The following CHEK1 variants were observed in gnomAD, a reference collection of about 807,000 sequenced individuals.
CHEK1 encodes checkpoint kinase 1.
CHEK1 carries 32 observed loss-of-function variants against 60.2 expected under a neutral mutation model. The observed-to-expected ratio is 0.53, with a 90% CI of 0.40 to 0.71. The LOEUF is 0.71. CHEK1 is among the 30% of genes least tolerant of loss of function. The pLI, the probability that CHEK1 is intolerant of heterozygous loss-of-function variation, is 0.00. For synonymous variants in CHEK1, 179 were observed against 187.2 expected, an observed-to-expected ratio of 0.96 and a Z score of 0.36; for missense variants, 399 against 564.6, an observed-to-expected ratio of 0.71 and a Z score of 2.97.
rs1247522282 is a variant in CHEK1, at chr11:125,653,928, G to C, written c.1335+81G>C. The C allele has an allele frequency of 1.3e-6, 1 of 748,274 alleles. No homozygotes were observed. Among genetic ancestry groups the C allele is most frequent in the East Asian group, 2.9e-5 (1 of 34,026 alleles). The allele number at this position is 748,274 out of a possible 1,614,324, so 46.4% of individuals were successfully genotyped here. ...TTAATGGCATTATGTTTGTATATAT[G>C]TGGCATTTGTAAATAGGTTACTTGC... On this transcript the variant is annotated intron_variant, in intron 12 of 12. Transcript: ENST00000438015. The surrounding 1 kb of genome is among the most constrained non-coding windows in gnomAD (Gnocchi z 4.3).
downstream of CHEK1, chr11:125,657,187 T>TTTTGTGTGTG (rs140073080): frequency 7.2e-4 from 106 of 147,216 alleles, 1 homozygote; most frequent in Middle Eastern, 3.2e-3. Flanking sequence ...CAACCTATGC[T>TTTTGTGTGTG]TGTGTGTGTG....
At chr11:125,631,587 TG>T (rs1940859847) in intron 5 of CHEK1, among the ~76,000 whole-genome samples, 1 of 151,700 alleles carries the variant, frequency 6.6e-6, no homozygotes, top group African/African-American at 2.4e-5. Flanking sequence ...GATAATCAAC[TG>T]GGTGCAGTAG....
Position 125,639,200 on chromosome 11 carries a change from G to A in CHEK1, c.814+1656G>A, listed in dbSNP as rs573475418. Among the ~76,000 whole-genome samples the A allele has an allele frequency of 7.9e-5, 12 of 151,776 alleles. No individual in the cohort carries two copies. In the South Asian group the frequency reaches 8.3e-4, roughly 11 times the overall value. On this transcript the variant is annotated intron_variant, in intron 8 of 12. Coordinates refer to ENST00000438015, the MANE Select transcript of CHEK1 (RefSeq NM_001114122.3). ...TGGGTTTAATCTAGTAGTTTTCTACGTACTGCACACTTGTACCTGCACAAC... is the reference window on the plus strand; with the variant it reads ...TGGGTTTAATCTAGTAGTTTTCTACATACTGCACACTTGTACCTGCACAAC...
downstream of CHEK1, among the ~76,000 whole-genome samples, chr11:125,677,589 T>C (rs541394901): frequency 6.6e-6 from 1 of 152,306 alleles, no homozygotes; most frequent in South Asian, 2.1e-4. Context: ...ATTTTTCTTA[T>C]AGAGGGCCCT....
At chr11:125,680,101 A>G (rs1942726649), downstream of CHEK1, among the ~76,000 whole-genome samples, 1 of 152,238 alleles carries the variant, frequency 6.6e-6, no homozygotes, top group Non-Finnish European at 1.5e-5. Context: ...TAACAAAGCA[A>G]AAAGCAAAAC....
downstream of CHEK1, chr11:125,678,024 G>A: frequency 6.2e-7 from 1 of 1,614,152 alleles, no homozygotes; most frequent in Non-Finnish European, 8.5e-7. Flanking sequence ...CTCACCTACA[G>A]TATGCTCACC....
intron 8 of CHEK1, among the ~76,000 whole-genome samples, chr11:125,642,156 C>T (rs1941334401): frequency 6.6e-6 from 1 of 152,186 alleles, no homozygotes; most frequent in Admixed American, 6.5e-5. Flanking sequence ...TATTCTCTTA[C>T]TTTCTTTGGA....
chr11:125,678,591 ACC>A (rs757925273), downstream of CHEK1, among the ~76,000 whole-genome samples: 4 of 152,016 alleles, frequency 2.6e-5, no homozygotes, highest in Non-Finnish European at 4.4e-5. Flanking sequence ...TGTACAAAAA[ACC>A]CCTGAAGGAA....
chr11:125,676,613 TG>T, downstream of CHEK1: 1 of 1,134,852 alleles, frequency 8.8e-7, no homozygotes, highest in Non-Finnish European at 1.3e-6. Context: ...TTTGGGGATC[TG>T]GGCCCTGTGT....
At chr11:125,645,114 G>A (rs1265966812) in intron 11 of CHEK1, among the ~76,000 whole-genome samples, 1 of 151,794 alleles carries the variant, frequency 6.6e-6, no homozygotes. Flanking sequence ...TTTTTATTTT[G>A]TTTTATTTTT....
downstream of CHEK1, chr11:125,678,263 GGAGCCA>G: frequency 6.2e-7 from 1 of 1,614,124 alleles, no homozygotes; most frequent in Non-Finnish European, 8.5e-7. Context: ...GATGATCTAT[GGAGCCA>G]GAAAGCTCAT....
chr11:125,679,661 TATTTA>T (rs1942706783), downstream of CHEK1, among the ~76,000 whole-genome samples: 1 of 152,224 alleles, frequency 6.6e-6, no homozygotes, highest in African/African-American at 2.4e-5. Context: ...ACAACCAAGT[TATTTA>T]ATTCTAGCCA....
chr11:125,650,903 C>T (rs1051885103), intron 11 of CHEK1, among the ~76,000 whole-genome samples: 1 of 152,224 alleles, frequency 6.6e-6, no homozygotes, highest in East Asian at 1.9e-4. Context: ...TTGGGGCACA[C>T]CTGCAATACT....
chr11:125,643,653 G>C, intron 8 of CHEK1, 139 bp from the exon 9 acceptor site: 1 of 620,628 alleles, frequency 1.6e-6, no homozygotes, highest in East Asian at 2.8e-5. Flanking sequence ...GGAAGACTTT[G>C]TTTTATATCT....
At chr11:125,677,852 A>C (rs1256508959), downstream of CHEK1, 4 of 1,613,938 alleles carry the variant, frequency 2.5e-6, no homozygotes, top group Non-Finnish European at 3.4e-6. Flanking sequence ...AAGCGTGCTC[A>C]CCTGAAGGCT....
At chr11:125,626,394 T>C (rs1940607689) in intron 1 of CHEK1, 1 of 432,950 alleles carries the variant, frequency 2.3e-6, no homozygotes, top group Non-Finnish European at 4.2e-6. Context: ...CCGCTCCCTA[T>C]ATCCTCTTCC....
chr11:125,666,948 A>G (rs1268299129), intron 13 of CHEK1, among the ~76,000 whole-genome samples: 1 of 146,148 alleles, frequency 6.8e-6, no homozygotes, highest in East Asian at 2.0e-4. Context: ...CATTCAGACA[A>G]CTTTTGTTGT....
intron 13 of CHEK1, among the ~76,000 whole-genome samples, chr11:125,668,725 T>A (rs1392133605): frequency 6.6e-6 from 1 of 152,012 alleles, no homozygotes; most frequent in Non-Finnish European, 1.5e-5. Context: ...GATACTTTTT[T>A]AAAAAATAGT....
intron 10 of CHEK1, 104 bp from the exon 11 acceptor site, chr11:125,644,408 G>C: frequency 6.8e-7 from 1 of 1,479,638 alleles, no homozygotes; most frequent in Middle Eastern, 1.8e-4. Flanking sequence ...AAAGAGAGGA[G>C]GGAGGCCTTC....
Sources: gnomAD v4.1 joint callset for allele counts (sites outside exome capture counted in the v4.1 genomes callset) on GRCh38, gnomAD v4.1.1 for gene constraint, Gnocchi (gnomAD v3.1) non-coding constraint, MANE v1.5 for transcripts, NCBI Gene and HGNC (gene_info 2026-07-23, HGNC 2026-07-21) for gene names.